Variants in VPS13B observed in about 807,000 individuals in gnomAD.
VPS13B encodes the protein vacuolar protein sorting 13 homolog B, also known as intermembrane lipid transfer protein VPS13B.
A neutral mutation model predicts 426.4 loss-of-function variants in VPS13B; 285 were observed. The observed-to-expected ratio is 0.67, with a 90% CI of 0.61 to 0.74. VPS13B has a LOEUF of 0.74. VPS13B is among the 30% of genes least tolerant of loss of function. The pLI is 0.00. For synonymous variants in VPS13B, 1,676 were observed against 1,676.4 expected, an observed-to-expected ratio of 1.00 and a Z score of 0.01; for missense variants, 4,537 against 4,782.6, an observed-to-expected ratio of 0.95 and a Z score of 1.51.
chr8:99,708,963 C>T (rs755420398), intron 36 of VPS13B, among the ~76,000 whole-genome samples: 20 of 151,730 alleles, frequency 1.3e-4, no homozygotes, highest in Non-Finnish European at 2.5e-4. Flanking sequence ...AGGGCGGGGA[C>T]GAACATGTTT....
chr8:99,642,009 C>G lies in VPS13B; in HGVS notation c.5419C>G (p.Leu1807Val). 3.1e-6 allele frequency: 5 copies of G among 1,614,052 alleles called. No homozygotes were observed. The highest frequency in any genetic ancestry group is 4.2e-6 in the Non-Finnish European group (5 of 1,179,984). ...PSRQSSIVKN[L>V]NFIPFDIFIT... ...ACGCCAGTCATCAATTGTAAAAAAT[C>G]TAAATTTTATTCCCTTTGACATATT... is the stretch of plus-strand genomic sequence containing the variant. Residue 1807 changes from leucine to valine, a missense_variant, in exon 34 of 62, where the codon CTA (leucine) becomes GTA (valine). This residue lies in a region of VPS13B where 4,311 missense variants were observed against 4,474.3 expected (regional missense o/e 0.96). Transcript: ENST00000357162.
intron 59 of VPS13B, 81 bp from the exon 60 acceptor site, chr8:99,870,704 T>G: frequency 7.7e-7 from 1 of 1,296,424 alleles, no homozygotes; most frequent in Non-Finnish European, 1.1e-6. Flanking sequence ...TATGGATGGC[T>G]CTGAACAGAT....
chr8:99,076,466 C>T (rs1383557445), intron 3 of VPS13B, among the ~76,000 whole-genome samples: 1 of 152,044 alleles, frequency 6.6e-6, no homozygotes, highest in Non-Finnish European at 1.5e-5. Flanking sequence ...TCAAATGCCC[C>T]ACTATTATTG....
At chr8:99,845,127 C>G (rs1457972687) in intron 54 of VPS13B, among the ~76,000 whole-genome samples, 2 of 152,174 alleles carry the variant, frequency 1.3e-5, no homozygotes, top group African/African-American at 4.8e-5. Flanking sequence ...ACCATTAAGC[C>G]AGGGTCTCCT....
At chr8:99,067,991 G>T (rs531655183) in intron 3 of VPS13B, among the ~76,000 whole-genome samples, 1 of 151,886 alleles carries the variant, frequency 6.6e-6, no homozygotes, top group East Asian at 1.9e-4. Flanking sequence ...GCTAGATTTC[G>T]CCTTTTACTT....
chr8:99,086,924 A>C (rs1018697424), intron 3 of VPS13B, among the ~76,000 whole-genome samples: 4 of 152,200 alleles, frequency 2.6e-5, no homozygotes, highest in Admixed American at 1.3e-4. Context: ...TTGAGGAGGC[A>C]GTCTGTCGGT....
intron 39 of VPS13B, among the ~76,000 whole-genome samples, chr8:99,722,309 T>C (rs762333862): frequency 6.6e-6 from 1 of 152,202 alleles, no homozygotes; most frequent in Non-Finnish European, 1.5e-5. Flanking sequence ...GTCCTAATTA[T>C]GCATTTGTTT....
chr8:99,546,841 G>A (rs7004892), intron 30 of VPS13B, among the ~76,000 whole-genome samples: 48 of 151,922 alleles, frequency 3.2e-4, no homozygotes, highest in African/African-American at 1.1e-3. Context: ...TGTTAGAATT[G>A]TTATTAAAGG....
intron 34 of VPS13B, among the ~76,000 whole-genome samples, chr8:99,644,239 C>G (rs552524426): frequency 6.6e-6 from 1 of 152,248 alleles, no homozygotes; most frequent in South Asian, 2.1e-4. Context: ...AATTGTTAAA[C>G]TGAGGCAAGC....
At chr8:99,238,085 C>T (rs1349186814) in intron 17 of VPS13B, among the ~76,000 whole-genome samples, 1 of 151,982 alleles carries the variant, frequency 6.6e-6, no homozygotes, top group Non-Finnish European at 1.5e-5. Flanking sequence ...ATTTACTCTA[C>T]CCTCATCCTC....
chr8:99,722,333 C>G (rs1013076887), intron 39 of VPS13B, among the ~76,000 whole-genome samples: 1 of 152,166 alleles, frequency 6.6e-6, no homozygotes, highest in Non-Finnish European at 1.5e-5. Context: ...TGCGTGTGAT[C>G]TTTCTACTGT....
At chr8:99,369,997 A>G (rs555949670) in intron 19 of VPS13B, among the ~76,000 whole-genome samples, 1 of 152,314 alleles carries the variant, frequency 6.6e-6, no homozygotes, top group South Asian at 2.1e-4. Flanking sequence ...TACTATTTGG[A>G]GTATTCTTTG....
chr8:99,875,331 A>G (rs1248003562), intron 61 of VPS13B, 87 bp from the exon 62 acceptor site: 1 of 1,577,598 alleles, frequency 6.3e-7, no homozygotes, highest in Non-Finnish European at 8.7e-7. Flanking sequence ...GGCATAATGT[A>G]CAAATATATC....
chr8:99,461,346 T>G (rs952121693), intron 23 of VPS13B, among the ~76,000 whole-genome samples: 6 of 152,154 alleles, frequency 3.9e-5, no homozygotes, highest in African/African-American at 1.4e-4. Context: ...AAATGTATGA[T>G]TACATACTCT....
chr8:99,483,232 T>A (rs1820135081), intron 25 of VPS13B, among the ~76,000 whole-genome samples: 1 of 152,166 alleles, frequency 6.6e-6, no homozygotes, highest in Admixed American at 6.5e-5. Flanking sequence ...CCATTCCAAA[T>A]CTTAAGAATC....
intron 2 of VPS13B, among the ~76,000 whole-genome samples, chr8:99,032,195 C>A (rs1842536152): frequency 6.6e-6 from 1 of 152,180 alleles, no homozygotes; most frequent in African/African-American, 2.4e-5. Flanking sequence ...AGTTTCTGTA[C>A]CTCAGAAGAT....
chr8:99,452,443 C>T (rs1492076), intron 23 of VPS13B, among the ~76,000 whole-genome samples: 140,529 of 152,204 alleles, frequency 0.92, 65,018 homozygotes, highest in African/African-American at 0.97. Context: ...ACCTCTCTTG[C>T]TCGTTGCTGT....
In VPS13B at chr8:99,323,250, C is replaced by T. The variant is rs141083154; in HGVS notation, c.2824+47996C>T. ...AGCTGCATGACGGTAATTACAGAGACAGAGATTTCTTAGTAATCTTCTCAG... is the reference window on the plus strand; with the variant it reads ...AGCTGCATGACGGTAATTACAGAGATAGAGATTTCTTAGTAATCTTCTCAG... On this transcript the variant is annotated intron_variant, in intron 19 of 61. Transcript: ENST00000357162. Among the ~76,000 whole-genome samples, 20 of 152,288 alleles carry T rather than the reference C, an allele frequency of 1.3e-4. No homozygotes were observed. In the East Asian group the frequency reaches 3.9e-3, roughly 29 times the overall value.
At chr8:99,019,643 T>A (rs553212525) in intron 2 of VPS13B, among the ~76,000 whole-genome samples, 18 of 152,346 alleles carry the variant, frequency 1.2e-4, no homozygotes, top group Admixed American at 3.9e-4. Context: ...CTCCCTATTT[T>A]CCCCTGTTCC....
Sources: gnomAD v4.1 joint callset for allele counts (sites outside exome capture counted in the v4.1 genomes callset) on GRCh38, gnomAD v4.1.1 for gene constraint, gnomAD v4.1.1 regional missense constraint, MANE v1.5 for transcripts, NCBI Gene and HGNC (gene_info 2026-07-23, HGNC 2026-07-21) for gene names.